The following DOCK1 variants were observed in gnomAD, a reference collection of about 807,000 sequenced individuals.
DOCK1 encodes dedicator of cytokinesis 1.
In DOCK1, 138 loss-of-function variants were observed where a neutral mutation model predicts 262.7. That is an observed-to-expected ratio of 0.53 (90% CI 0.46 to 0.61). The LOEUF (loss-of-function observed/expected upper bound fraction) is 0.61. Among genes scored for constraint, DOCK1 ranks in the 20% least tolerant of loss-of-function variants. The pLI is 0.00. For synonymous variants in DOCK1, 866 were observed against 867.4 expected, an observed-to-expected ratio of 1.00 and a Z score of 0.03; for missense variants, 1,908 against 2,370.7, an observed-to-expected ratio of 0.80 and a Z score of 4.05.
intron 22 of DOCK1, among the ~76,000 whole-genome samples, chr10:127,056,583 C>G (rs547670359): frequency 4.6e-5 from 7 of 152,122 alleles, no homozygotes; most frequent in African/African-American, 1.7e-4. Context: ...CTCCTCGCTT[C>G]GTTCTTTCCT....
At chr10:127,308,289 C>T (rs1481647474) in intron 29 of DOCK1, among the ~76,000 whole-genome samples, 3 of 152,208 alleles carry the variant, frequency 2.0e-5, no homozygotes, top group East Asian at 1.9e-4. Flanking sequence ...CTGGCCTCCT[C>T]CTTGCCACCT....
chr10:127,012,370 G>C lies in DOCK1; in HGVS notation c.1197G>C (p.Gly399=). 8.1e-6 allele frequency: 13 copies of C among 1,613,938 alleles called. No homozygotes were observed. Among genetic ancestry groups the C allele is most frequent in the Non-Finnish European group, 1.1e-5 (13 of 1,179,836 alleles). Reference sequence around the variant, plus strand: ...CTGCCAAAGAAGTCAACCACAAGGGGCAGGGTACGTATTTTCCTATTTTGT... The same window carrying C: ...CTGCCAAAGAAGTCAACCACAAGGGCCAGGGTACGTATTTTCCTATTTTGT... The part of the protein sequence containing the change: ...VIAAKEVNHK[G]QGLWVTLKLL... The change falls in exon 12 of 52, where the codon GGG becomes GGC. Residue 399 remains glycine, a synonymous_variant. Transcript: ENST00000623213. This position sits in a 1 kb window ranked among gnomAD's most constrained non-coding sequence, Gnocchi z 4.0.
intron 1 of DOCK1, among the ~76,000 whole-genome samples, chr10:126,930,291 T>G (rs1433131763): frequency 1.3e-5 from 2 of 152,248 alleles, no homozygotes; most frequent in African/African-American, 4.8e-5. Flanking sequence ...TTTGAGCAGG[T>G]GCTCAGTTCT....
At chr10:127,171,263 G>A (rs2054545839) in intron 27 of DOCK1, among the ~76,000 whole-genome samples, 1 of 152,234 alleles carries the variant, frequency 6.6e-6, no homozygotes, top group Admixed American at 6.5e-5. Context: ...GTTGTAGCCA[G>A]TGACACAGAA....
chr10:127,306,635 A>G (rs551540461), intron 29 of DOCK1, among the ~76,000 whole-genome samples: 3 of 152,288 alleles, frequency 2.0e-5, no homozygotes, highest in East Asian at 1.9e-4. Context: ...TCAGCATTAC[A>G]TCAGCTTTCT....
intron 40 of DOCK1, among the ~76,000 whole-genome samples, chr10:127,406,067 C>T (rs961731008): frequency 2.0e-5 from 3 of 152,118 alleles, no homozygotes; most frequent in African/African-American, 4.8e-5. Flanking sequence ...GTGTGTGCTC[C>T]GGAACATACA....
At chr10:127,260,763 C>CTG (rs200316680) in intron 29 of DOCK1, among the ~76,000 whole-genome samples, 1 of 112,052 alleles carries the variant, frequency 8.9e-6, no homozygotes, top group South Asian at 3.1e-4. Flanking sequence ...CCGTGCTCAT[C>CTG]TGTGTGTGTG....
At position 127,239,770 on chromosome 10, in the gene DOCK1, G is replaced by A. The variant is rs141073498; in HGVS notation, c.2848-8238G>A. Among the ~76,000 whole-genome samples the A allele has an allele frequency of 1.5e-3, 223 of 152,102 alleles. 1 individual carries two copies. The highest frequency in any genetic ancestry group is 4.3e-3 in the Admixed American group (66 of 15,292). Reference sequence around the variant, plus strand: ...AAACTCTCTAAGGCTCTATTATTACGTGATATATTGAGTATATAAAAATAA... The same window carrying A: ...AAACTCTCTAAGGCTCTATTATTACATGATATATTGAGTATATAAAAATAA... On this transcript the variant is annotated intron_variant, in intron 27 of 51. Transcript: ENST00000623213.
intron 1 of DOCK1, among the ~76,000 whole-genome samples, chr10:126,937,506 ATTTTCTGTTTTT>A (rs1176158790): frequency 8.2e-6 from 1 of 121,418 alleles, no homozygotes; most frequent in Non-Finnish European, 1.7e-5. Context: ...AACACTTGTT[ATTTTCTGTTTTT>A]TTTTTTGTCT....
At chr10:127,355,891 T>C (rs2064121051) in intron 32 of DOCK1, among the ~76,000 whole-genome samples, 1 of 152,214 alleles carries the variant, frequency 6.6e-6, no homozygotes, top group South Asian at 2.1e-4. Flanking sequence ...ATTCTTTGGT[T>C]TGACATGAGG....
At chr10:127,333,697 G>A (rs2063079311) in intron 29 of DOCK1, among the ~76,000 whole-genome samples, 1 of 152,164 alleles carries the variant, frequency 6.6e-6, no homozygotes, top group African/African-American at 2.4e-5. Context: ...GAGAGGCTTG[G>A]ACCTTGGCAG....
chr10:127,185,333 C>A (rs1589830869), intron 27 of DOCK1, among the ~76,000 whole-genome samples: 1 of 152,170 alleles, frequency 6.6e-6, no homozygotes, highest in East Asian at 1.9e-4. Context: ...TCAAGACCAT[C>A]CTGGCCAACA....
At chr10:127,338,584 C>T (rs2063296811) in intron 29 of DOCK1, among the ~76,000 whole-genome samples, 1 of 152,304 alleles carries the variant, frequency 6.6e-6, no homozygotes, top group Admixed American at 6.5e-5. Flanking sequence ...CTCTTCCAAG[C>T]CTGACAGCTC....
chr10:127,089,278 T>C (rs2136080888), intron 23 of DOCK1, among the ~76,000 whole-genome samples: 1 of 152,250 alleles, frequency 6.6e-6, no homozygotes, highest in Admixed American at 6.5e-5. Context: ...CTGTGGACTT[T>C]GCTTCTTGCC....
chr10:126,987,532 C>T lies in DOCK1; in HGVS notation c.239C>T (p.Thr80Ile). The T allele has an allele frequency of 6.3e-7, 1 of 1,578,304 alleles. No individual in the cohort carries two copies. Among genetic ancestry groups the T allele is most frequent in the South Asian group, 1.2e-5 (1 of 85,508 alleles). ...TTCTTTCCTCCCAGGCAACATGAAACAGTCATCCCGGGTGACCTCCCCCTC... is the reference window on the plus strand; with the variant it reads ...TTCTTTCCTCCCAGGCAACATGAAATAGTCATCCCGGGTGACCTCCCCCTC... ...AIVEGKGQHE[T>I]VIPGDLPLIQ... Residue 80 changes from threonine to isoleucine, a missense_variant, in exon 5 of 52, where the codon ACA becomes ATA. Around this residue, in one of 9 missense-constraint regions of DOCK1, gnomAD observed 227 missense variants for 254.1 expected, o/e 0.89. Transcript: ENST00000623213.
At chr10:127,196,217 C>T (rs1200687894) in intron 27 of DOCK1, 1 of 149,316 alleles carries the variant, frequency 6.7e-6, no homozygotes, top group Non-Finnish European at 1.5e-5. Context: ...CCCTGCTGGC[C>T]CGGCCGGCCC....
At chr10:127,130,028 C>T (rs1440661986) in intron 27 of DOCK1, among the ~76,000 whole-genome samples, 4 of 146,350 alleles carry the variant, frequency 2.7e-5, no homozygotes, top group Non-Finnish European at 5.9e-5. Context: ...GGTCCTGTCT[C>T]TAGTTGGGGC....
intron 27 of DOCK1, among the ~76,000 whole-genome samples, chr10:127,216,133 C>T (rs1030566919): frequency 6.6e-6 from 1 of 152,000 alleles, no homozygotes; most frequent in Non-Finnish European, 1.5e-5. Context: ...CTGACAATGA[C>T]ATGCATGAAT....
chr10:127,122,638 T>A (rs2049673472), intron 25 of DOCK1, among the ~76,000 whole-genome samples: 2 of 151,628 alleles, frequency 1.3e-5, no homozygotes, highest in African/African-American at 4.8e-5. Flanking sequence ...AATTTTTTTT[T>A]TTTTTTTACA....
Sources: allele counts gnomAD v4.1 joint callset (sites outside exome capture counted in the v4.1 genomes callset), GRCh38; gene constraint gnomAD v4.1.1; regional missense constraint gnomAD v4.1.1; non-coding constraint Gnocchi (gnomAD v3.1); transcripts MANE v1.5; gene names NCBI Gene and HGNC (gene_info 2026-07-23, HGNC 2026-07-21).